The following CCSER1 variants were observed in gnomAD, a reference collection of about 807,000 sequenced individuals.
CCSER1 encodes the protein coiled-coil serine rich protein 1.
A neutral mutation model predicts 82.0 loss-of-function variants in CCSER1; 41 were observed. The observed-to-expected ratio is 0.50, with a 90% CI of 0.39 to 0.65. CCSER1 has a LOEUF of 0.65. Ranked by LOEUF, CCSER1 falls within the 30% of genes least tolerant of loss-of-function variation. The pLI, the probability that CCSER1 is intolerant of heterozygous loss-of-function variation, is 0.00. For synonymous variants in CCSER1, 414 were observed against 383.9 expected (o/e 1.08, Z -0.92); for missense variants, 1,119 against 1,064.2 (o/e 1.05, Z -0.72).
intron 10 of CCSER1, among the ~76,000 whole-genome samples, chr4:91,317,589 C>CATGTGTGTGTGTGCGT (rs1553923710): frequency 6.6e-6 from 1 of 150,712 alleles, no homozygotes; most frequent in African/African-American, 2.4e-5. Context: ...AAAGTATATA[C>CATGTGTGTGTGTGCGT]GTGTGTGTGT....
At chr4:91,191,961 C>T (rs1475911557) in intron 10 of CCSER1, among the ~76,000 whole-genome samples, 5 of 152,094 alleles carry the variant, frequency 3.3e-5, no homozygotes, top group Admixed American at 2.6e-4. Context: ...TTCACTGCTT[C>T]ATCTCCTCTC....
At chr4:91,237,124 T>G (rs1739069891) in intron 10 of CCSER1, among the ~76,000 whole-genome samples, 1 of 151,332 alleles carries the variant, frequency 6.6e-6, no homozygotes, top group East Asian at 1.9e-4. Context: ...ATTTATACAA[T>G]CAATCATCTT....
At chr4:90,169,083 C>T (rs1428956867) in intron 1 of CCSER1, among the ~76,000 whole-genome samples, 4 of 152,034 alleles carry the variant, frequency 2.6e-5, no homozygotes, top group East Asian at 1.9e-4. Context: ...GCCATGTTCA[C>T]GATATTGATT....
chr4:90,133,108 A>G (rs1202423132), intron 1 of CCSER1, among the ~76,000 whole-genome samples: 1 of 152,210 alleles, frequency 6.6e-6, no homozygotes. Context: ...GACCTAGAGT[A>G]TTTTAGAGTA....
At chr4:91,439,649 A>G (rs1168013404) in intron 10 of CCSER1, among the ~76,000 whole-genome samples, 6 of 152,160 alleles carry the variant, frequency 3.9e-5, no homozygotes, top group African/African-American at 9.7e-5. Flanking sequence ...AAATGCTCCA[A>G]TTAAAAGACA....
At chr4:90,205,178 C>T (rs571449721) in intron 1 of CCSER1, among the ~76,000 whole-genome samples, 2 of 152,154 alleles carry the variant, frequency 1.3e-5, no homozygotes, top group Non-Finnish European at 2.9e-5. Context: ...TTTGAATACC[C>T]TTTATTTCTT....
At position 91,325,454 on chromosome 4, in the gene CCSER1, T is replaced by C. The variant is rs145771843; in HGVS notation, c.2217+239460T>C. On this transcript the variant is annotated intron_variant, in intron 10 of 10. Transcript: ENST00000509176. ...GTACATTATGATGCTGAGAAAACAA[T>C]CAAGAGAAGGAAGGGAGAATGGGTA... is the stretch of plus-strand genomic sequence containing the variant. 3.0e-3 allele frequency: 661 copies of C among 222,434 alleles called. 4 individuals are homozygous for C. Among genetic ancestry groups the C allele is most frequent in the African/African-American group, 0.014 (610 of 42,910 alleles). The allele number at this position is 222,434 out of a possible 1,614,324, so 13.8% of individuals were successfully genotyped here. A position where few individuals can be genotyped will look rare whatever the true frequency, so the allele number is the denominator to read the frequency against.
intron 9 of CCSER1, among the ~76,000 whole-genome samples, chr4:90,945,725 C>T (rs1732156878): frequency 6.6e-6 from 1 of 152,186 alleles, no homozygotes; most frequent in African/African-American, 2.4e-5. Flanking sequence ...AAACCAAGTT[C>T]CATATGCTTC....
rs879523077 is a variant in CCSER1, at chr4:91,600,664, G to A, written c.*1607G>A. On this transcript the variant is annotated 3_prime_UTR_variant, in exon 11 of 11. Transcript: ENST00000509176. ...AAGCCATTAGACACTCCACCCCTGA[G>A]CTTTAACTACTGAACTTTGATACAT... 6.6e-6 allele frequency: 1 copy of A among 152,100 alleles called. No individual in the cohort carries two copies. The highest frequency in any genetic ancestry group is 1.5e-5 in the Non-Finnish European group (1 of 68,018). 9.4% of individuals were successfully genotyped at this position (152,100 alleles called of 1,614,324 possible).
chr4:90,893,357 C>T (rs1723219185), intron 8 of CCSER1, among the ~76,000 whole-genome samples: 1 of 152,064 alleles, frequency 6.6e-6, no homozygotes, highest in Non-Finnish European at 1.5e-5. Context: ...AACTGGATTT[C>T]AGAAGTAAAG....
chr4:90,238,531 G>C lies in CCSER1; in HGVS notation c.-41-69713G>C, dbSNP rs1560855745. 2.0e-5 allele frequency among the ~76,000 whole-genome samples: 3 copies of C among 152,224 alleles called. No individual in the cohort carries two copies. In the East Asian group the frequency reaches 5.8e-4, roughly 29 times the overall value. On this transcript the variant is annotated intron_variant, in intron 1 of 10. Coordinates refer to ENST00000509176, the MANE Select transcript of CCSER1 (RefSeq NM_001145065.2). ...TGCTTAGGATGCAGGTTTTGTTAGTGCTTTTGTTTTTAACCCTAAACTGTT... is the reference window on the plus strand; with the variant it reads ...TGCTTAGGATGCAGGTTTTGTTAGTCCTTTTGTTTTTAACCCTAAACTGTT...
At chr4:90,871,975 T>C (rs945379631) in intron 8 of CCSER1, among the ~76,000 whole-genome samples, 4 of 151,894 alleles carry the variant, frequency 2.6e-5, no homozygotes. Flanking sequence ...CTGATGTACA[T>C]AGAGCTACTC....
chr4:91,525,297 G>A (rs1445466635), intron 10 of CCSER1, among the ~76,000 whole-genome samples: 1 of 152,150 alleles, frequency 6.6e-6, no homozygotes, highest in East Asian at 1.9e-4. Context: ...GGAATTGCTG[G>A]AAGGAAGATC....
chr4:91,047,599 C>T (rs992404472), intron 9 of CCSER1, among the ~76,000 whole-genome samples: 1 of 152,138 alleles, frequency 6.6e-6, no homozygotes, highest in Non-Finnish European at 1.5e-5. Context: ...TGTGATTCTA[C>T]TGCTGCTCCT....
rs528515243 is a variant in CCSER1 at position 91,156,647 on chromosome 4, A to T, written c.2217+70653A>T. Among the ~76,000 whole-genome samples, 12 of 152,000 alleles carry T rather than the reference A, an allele frequency of 7.9e-5. No individual in the cohort carries two copies. The South Asian group carries it at 2.1e-3, about 26-fold the overall frequency. On this transcript the variant is annotated intron_variant, in intron 10 of 10. Transcript: ENST00000509176. ...CAATGATGAGGGTCCAACTGAGATG[A>T]CTAACCATAAATAAAAGCTGTAAAA...
At chr4:91,469,771 C>T (rs1578544452) in intron 10 of CCSER1, among the ~76,000 whole-genome samples, 1 of 152,124 alleles carries the variant, frequency 6.6e-6, no homozygotes. Context: ...GTCTAGAAAT[C>T]ACATTAAAAG....
At position 91,299,461 on chromosome 4, in the gene CCSER1, A is replaced by C. The variant is rs190873967; in HGVS notation, c.2217+213467A>C. On this transcript the variant is annotated intron_variant, in intron 10 of 10. Coordinates refer to ENST00000509176, the MANE Select transcript of CCSER1 (RefSeq NM_001145065.2). ...CAATATGTCAAGGACTTATCTGTGC[A>C]TCATACTTACACTAATTTATTTAGT... Among the ~76,000 whole-genome samples the C allele has an allele frequency of 6.3e-4, 96 of 152,128 alleles. 1 individual carries two copies. The East Asian group carries it at 0.011, about 18-fold the overall frequency.
At chr4:90,403,712 A>C (rs1001665286) in intron 4 of CCSER1, among the ~76,000 whole-genome samples, 1 of 152,290 alleles carries the variant, frequency 6.6e-6, no homozygotes, top group Admixed American at 6.5e-5. Context: ...TTGAAAAAAT[A>C]CTTCTTAAAG....
chr4:91,322,686 C>G (rs983285899), intron 10 of CCSER1, among the ~76,000 whole-genome samples: 23 of 152,054 alleles, frequency 1.5e-4, no homozygotes, highest in African/African-American at 5.1e-4. Flanking sequence ...AATTATGTGT[C>G]TAACCATTAT....
Sources: gnomAD v4.1 joint callset for allele counts (sites outside exome capture counted in the v4.1 genomes callset) on GRCh38, gnomAD v4.1.1 for gene constraint, MANE v1.5 for transcripts, NCBI Gene and HGNC (gene_info 2026-07-23, HGNC 2026-07-21) for gene names.